CD82: variants seen among roughly 807,000 people sequenced by gnomAD.
The protein encoded by CD82 is CD82 molecule.
A neutral mutation model predicts 37.4 loss-of-function variants in CD82; 36 were observed. The ratio of observed to expected loss-of-function variants is 0.96; its 90% CI spans 0.74 to 1.27. The LOEUF (loss-of-function observed/expected upper bound fraction) is 1.27. Among genes scored for constraint, CD82 ranks in the 50% most tolerant of loss-of-function variants. CD82 has a pLI of 0.00. For synonymous variants in CD82, 158 were observed against 137.4 expected, an observed-to-expected ratio of 1.15 and a Z score of -1.05; for missense variants, 340 against 347.0, an observed-to-expected ratio of 0.98 and a Z score of 0.16.
In CD82 at chr11:44,619,075, C is replaced by A; in HGVS notation, c.753C>A (p.Cys251Ter). The part of the protein sequence containing the change: ...IELLGMVLSI[C>*]LCRHVHSEDY... ...TCCTGGGGATGGTCCTGTCCATCTG[C>A]TTGTGCCGGCACGTCCATTCCGAAG... The change falls in exon 10 of 10, where the codon TGC (cysteine) becomes TGA (stop). Residue 251 changes from cysteine (C) to a stop codon, truncating the protein, a stop_gained. Coordinates refer to ENST00000227155, the MANE Select transcript of CD82 (RefSeq NM_002231.4). LOFTEE classifies it high-confidence loss of function. 1 of 1,613,434 alleles carries A rather than the reference C, an allele frequency of 6.2e-7. No homozygotes were observed. Among genetic ancestry groups the A allele is most frequent in the Non-Finnish European group, 8.5e-7 (1 of 1,179,832 alleles).
intron 1 of CD82, among the ~76,000 whole-genome samples, chr11:44,568,736 G>T (rs1852773268): frequency 6.6e-6 from 1 of 152,156 alleles, no homozygotes; most frequent in Admixed American, 6.5e-5. Flanking sequence ...TCTGTCTTGA[G>T]GCCTCACGCT....
intron 3 of CD82, among the ~76,000 whole-genome samples, chr11:44,598,422 TTTTTTTTG>T (rs1209625615): frequency 8.0e-6 from 1 of 124,912 alleles, no homozygotes. Flanking sequence ...TTTTTTTTTT[TTTTTTTTG>T]AGACGGAGTC....
At chr11:44,588,661 T>C (rs1853096501) in intron 2 of CD82, among the ~76,000 whole-genome samples, 1 of 152,124 alleles carries the variant, frequency 6.6e-6, no homozygotes, top group Non-Finnish European at 1.5e-5. Flanking sequence ...CCAGAGCCTG[T>C]TCAGGGAGCT....
intron 1 of CD82, among the ~76,000 whole-genome samples, chr11:44,574,559 G>A (rs1315736939): frequency 2.6e-5 from 4 of 152,124 alleles, no homozygotes; most frequent in African/African-American, 9.7e-5. Flanking sequence ...AAACCAAATG[G>A]CTACCCCAAA....
chr11:44,575,698 T>G (rs569081623), intron 1 of CD82, among the ~76,000 whole-genome samples: 50 of 152,238 alleles, frequency 3.3e-4, no homozygotes, highest in Admixed American at 1.9e-3. Flanking sequence ...AGGAACCTTG[T>G]CCTGTTTAAT....
At chr11:44,586,277 C>T (rs561288182) in intron 1 of CD82, among the ~76,000 whole-genome samples, 160 of 31,398 alleles carry the variant, frequency 5.1e-3, no homozygotes, top group African/African-American at 0.02. Flanking sequence ...CACTCTAGGG[C>T]ATTTAGGAGA....
chr11:44,600,061 C>T (rs1853285262), intron 3 of CD82, 97 bp from the exon 4 acceptor site: 3 of 1,253,248 alleles, frequency 2.4e-6, no homozygotes, highest in Non-Finnish European at 3.5e-6. Flanking sequence ...TCTGTGGCCC[C>T]CTGCCCTGCC....
chr11:44,605,652 C>A (rs1461096597), intron 6 of CD82, among the ~76,000 whole-genome samples: 2 of 152,150 alleles, frequency 1.3e-5, no homozygotes, highest in Non-Finnish European at 2.9e-5. Flanking sequence ...CTTAGCCTGA[C>A]CCCCCTGCTT....
rs543364816 is a variant in CD82, at chr11:44,619,488, C to T, written c.*362C>T. ...AAAAATTGGGGAGGAGGGGGCCGGG[C>T]GCGGTGGCTCACGCCTGTAATCCCA... On this transcript the variant is annotated 3_prime_UTR_variant, in exon 10 of 10. Transcript: ENST00000227155. 129 of 187,680 alleles carry T rather than the reference C, an allele frequency of 6.9e-4. 1 individual carries two copies. The highest frequency in any genetic ancestry group is 1.5e-3 in the East Asian group (10 of 6,814). The allele number at this position is 187,680 out of a possible 1,614,324, so 11.6% of individuals were successfully genotyped here.
At chr11:44,618,950 G>A in intron 9 of CD82, 99 bp from the exon 10 acceptor site, 1 of 1,105,224 alleles carries the variant, frequency 9.0e-7, no homozygotes, top group Non-Finnish European at 1.4e-6. Context: ...GGCTCAAGTT[G>A]AGGATCCACT....
chr11:44,577,765 G>A (rs1852919118), intron 1 of CD82, among the ~76,000 whole-genome samples: 1 of 152,200 alleles, frequency 6.6e-6, no homozygotes, highest in Admixed American at 6.5e-5. Flanking sequence ...CTCAGGAAAT[G>A]CCAGTCCCTC....
chr11:44,567,703 C>G (rs79427195), intron 1 of CD82, among the ~76,000 whole-genome samples: 7,236 of 152,174 alleles, frequency 0.048, 204 homozygotes, highest in Admixed American at 0.064. Flanking sequence ...CCACCACCCC[C>G]ACTTCCTGCT....
chr11:44,567,948 C>G (rs899174470), intron 1 of CD82, among the ~76,000 whole-genome samples: 5 of 152,168 alleles, frequency 3.3e-5, no homozygotes, highest in Non-Finnish European at 7.3e-5. Context: ...TGAGAATTCT[C>G]GAGAAACCTC....
chr11:44,611,190 G>A (rs1853475904), intron 6 of CD82, among the ~76,000 whole-genome samples: 3 of 152,208 alleles, frequency 2.0e-5, no homozygotes, highest in African/African-American at 4.8e-5. Flanking sequence ...TGCACTAGGT[G>A]TAAATTATGC....
intron 1 of CD82, among the ~76,000 whole-genome samples, chr11:44,585,543 A>C (rs928591460): frequency 6.6e-6 from 1 of 152,140 alleles, no homozygotes; most frequent in African/African-American, 2.4e-5. Context: ...CCTGATGGCG[A>C]TTCATCTTCA....
At chr11:44,608,520 T>G (rs1360712315) in intron 6 of CD82, among the ~76,000 whole-genome samples, 1 of 152,240 alleles carries the variant, frequency 6.6e-6, no homozygotes, top group Non-Finnish European at 1.5e-5. Context: ...GGGTCTTGAC[T>G]GTGGAACCAC....
At chr11:44,615,159 G>A in intron 6 of CD82, 113 bp from the exon 7 acceptor site, 1 of 697,290 alleles carries the variant, frequency 1.4e-6, no homozygotes, top group Non-Finnish European at 2.6e-6. Flanking sequence ...GGAGCCATGA[G>A]CGTGTCCCAG....
At chr11:44,581,376 A>T (rs1018676470) in intron 1 of CD82, among the ~76,000 whole-genome samples, 1 of 152,172 alleles carries the variant, frequency 6.6e-6, no homozygotes, top group Admixed American at 6.5e-5. Flanking sequence ...GGCTTATCTC[A>T]TAGGATCATT....
At chr11:44,573,915 G>A (rs954978157) in intron 1 of CD82, among the ~76,000 whole-genome samples, 10 of 152,170 alleles carry the variant, frequency 6.6e-5, no homozygotes, top group Admixed American at 1.3e-4. Context: ...AAAATGCTTC[G>A]TGGCAGGCCC....
Sources: allele counts gnomAD v4.1 joint callset (sites outside exome capture counted in the v4.1 genomes callset), GRCh38; gene constraint gnomAD v4.1.1; transcripts MANE v1.5; gene names NCBI Gene and HGNC (gene_info 2026-07-23, HGNC 2026-07-21).